The following DST variants were observed in gnomAD, a reference collection of about 807,000 sequenced individuals.
DST encodes bullous pemphigoid antigen.
DST carries 253 observed loss-of-function variants against 875.2 expected under a neutral mutation model. The ratio of observed to expected loss-of-function variants is 0.29; its 90% CI spans 0.26 to 0.32. The LOEUF (loss-of-function observed/expected upper bound fraction) is 0.32. Ranked by LOEUF, DST falls within the 10% of genes least tolerant of loss-of-function variation. The probability of loss-of-function intolerance (pLI) is 1.00; values close to 1 mark genes in which losing one functional copy is unlikely to be tolerated. For synonymous variants in DST, 3,124 were observed against 3,197.1 expected, an observed-to-expected ratio of 0.98 and a Z score of 0.77; for missense variants, 8,287 against 9,111.6, an observed-to-expected ratio of 0.91 and a Z score of 3.68.
rs925445770 is a variant in DST, at chr6:56,614,815, C to A, written c.4930-331G>T. On this transcript the variant is annotated intron_variant, in intron 36 of 103. Coordinates refer to ENST00000680361, the MANE Select transcript of DST (RefSeq NM_001374736.1). ...AATTGCTGCCTTTGCATTAGCATTA[C>A]AATCCTAATTGTCCTGACAAAAAGG... The A allele has an allele frequency of 3.0e-6, 3 of 1,005,846 alleles. No homozygotes were observed. The African/African-American group carries it at 5.2e-5, about 17-fold the overall frequency. The allele number at this position is 1,005,846 out of a possible 1,614,324, so 62.3% of individuals were successfully genotyped here. A position where few individuals can be genotyped will look rare whatever the true frequency, so the allele number is the denominator to read the frequency against.
chr6:56,502,058 T>C (rs1388410757), intron 78 of DST, among the ~76,000 whole-genome samples: 1 of 152,124 alleles, frequency 6.6e-6, no homozygotes, highest in Non-Finnish European at 1.5e-5. Context: ...TTGACACATA[T>C]GAAAGCCAAA....
chr6:56,472,253 A>G, intron 93 of DST, 31 bp from the exon 94 acceptor site: 2 of 1,606,244 alleles, frequency 1.2e-6, no homozygotes, highest in Non-Finnish European at 1.7e-6. Flanking sequence ...TTAGGATGGC[A>G]GTTTCCAGGG....
Position 56,875,764 on chromosome 6 carries a change from C to T in DST, c.418-24160G>A, listed in dbSNP as rs189621961. Among the ~76,000 whole-genome samples, 287 of 152,268 alleles carry T rather than the reference C, an allele frequency of 1.9e-3. 1 individual carries two copies. The highest frequency in any genetic ancestry group is 3.1e-3 in the Non-Finnish European group (209 of 68,018). On this transcript the variant is annotated intron_variant, in intron 3 of 103. Transcript: ENST00000680361. ...CCCTAGAGCTGCTGGAATCTTAGCA[C>T]AGGTGAACTTATCCACCACACCACT...
chr6:56,810,310 C>G (rs2099758371), intron 4 of DST, among the ~76,000 whole-genome samples: 1 of 151,978 alleles, frequency 6.6e-6, no homozygotes, highest in African/African-American at 2.4e-5. Context: ...ACTCCCATCT[C>G]TTAAAAATAT....
intron 82 of DST, among the ~76,000 whole-genome samples, chr6:56,496,560 A>T (rs2095912275): frequency 6.6e-6 from 1 of 152,124 alleles, no homozygotes; most frequent in South Asian, 2.1e-4. Flanking sequence ...AATAATTTTA[A>T]GTCATTCTGA....
At chr6:56,675,974 AGCAGC>A (rs1444025906) in intron 9 of DST, among the ~76,000 whole-genome samples, 2 of 152,260 alleles carry the variant, frequency 1.3e-5, no homozygotes, top group Non-Finnish European at 2.9e-5. Context: ...AATATCACTA[AGCAGC>A]GAAGAAATGC....
Position 56,477,443 on chromosome 6 carries a change from C to T in DST, c.21577G>A (p.Ala7193Thr), listed in dbSNP as rs2095246158. 1 of 1,613,788 alleles carries T rather than the reference C, an allele frequency of 6.2e-7. No homozygotes were observed. The highest frequency in any genetic ancestry group is 8.5e-7 in the Non-Finnish European group (1 of 1,179,874). ...LEEKRAELNK[A>T]TTMGDTVLAI... ...AAAACGGTGTCGCCCATAGTGGTGG[C>T]TTTATTTAGTTCAGCTCTCTTTTCT... Residue 7193 changes from alanine to threonine, a missense_variant, in exon 91 of 104, where the codon GCC becomes ACC. By Grantham distance (58) the Ala-to-Thr change is moderately conservative (BLOSUM62 0). Coordinates refer to ENST00000680361, the MANE Select transcript of DST (RefSeq NM_001374736.1).
At position 56,529,509 on chromosome 6, in the gene DST, C is replaced by T; in HGVS notation, c.17534G>A (p.Ser5845Asn). 1 of 1,610,884 alleles carries T rather than the reference C, an allele frequency of 6.2e-7. No homozygotes were observed. The highest frequency in any genetic ancestry group is 8.5e-7 in the Non-Finnish European group (1 of 1,178,306). ...NWLNEVHDKL[S>N]KLSVQDYSTE... ...GCTGTAATCCTGGACTGAGAGCTTG[C>T]TCAGTTTGTCATGCACTTCATTCAG... is the stretch of plus-strand genomic sequence containing the variant. The change falls in exon 66 of 104, where the codon AGC (serine) becomes AAC (asparagine). Residue 5845 changes from serine to asparagine, a missense_variant. Around this residue, in one of 10 missense-constraint regions of DST, gnomAD observed 777 missense variants for 764.8 expected, o/e 1.02. Coordinates refer to ENST00000680361, the MANE Select transcript of DST (RefSeq NM_001374736.1).
chr6:56,696,241 C>T (rs1428383384), intron 9 of DST, among the ~76,000 whole-genome samples: 1 of 152,214 alleles, frequency 6.6e-6, no homozygotes, highest in Non-Finnish European at 1.5e-5. Context: ...CAGCTCACCA[C>T]AACCTCTGCC....
At chr6:56,898,455 T>C (rs920126512) in intron 3 of DST, among the ~76,000 whole-genome samples, 1 of 152,222 alleles carries the variant, frequency 6.6e-6, no homozygotes, top group Non-Finnish European at 1.5e-5. Context: ...ACTTTAATGA[T>C]AGTCACTTAC....
chr6:56,824,215 T>C (rs907022892), intron 4 of DST, among the ~76,000 whole-genome samples: 13 of 152,228 alleles, frequency 8.5e-5, no homozygotes, highest in Admixed American at 1.3e-4. Flanking sequence ...TTCGCTTTGT[T>C]GGCCGGGCTG....
chr6:56,791,032 G>A (rs1301730222), intron 4 of DST, among the ~76,000 whole-genome samples: 3 of 152,202 alleles, frequency 2.0e-5, no homozygotes, highest in Non-Finnish European at 4.4e-5. Context: ...GAGAAAGAGA[G>A]GCCAACAAAG....
chr6:56,699,464 A>G (rs1415136616), intron 9 of DST, among the ~76,000 whole-genome samples, 189 bp downstream of exon 9: 2 of 152,228 alleles, frequency 1.3e-5, no homozygotes, highest in Admixed American at 6.5e-5. Flanking sequence ...AAGTTTATCA[A>G]GAACAGGAAA....
intron 35 of DST, 138 bp downstream of exon 35, chr6:56,625,019 C>T (rs1373765255): frequency 1.4e-6 from 1 of 702,996 alleles, no homozygotes; most frequent in African/African-American, 1.8e-5. Flanking sequence ...ACTGCAATGT[C>T]ATTAAACTGT....
chr6:56,507,896 G>C (rs1460121876), intron 75 of DST, among the ~76,000 whole-genome samples: 1 of 152,112 alleles, frequency 6.6e-6, no homozygotes, highest in Non-Finnish European at 1.5e-5. Context: ...CTGGCAGCAA[G>C]GTCAGAGGCC....
intron 4 of DST, among the ~76,000 whole-genome samples, chr6:56,783,292 T>G (rs1200055401): frequency 6.6e-6 from 1 of 152,168 alleles, no homozygotes; most frequent in Non-Finnish European, 1.5e-5. Context: ...TAACTTTCTG[T>G]CTCATTGATC....
intron 5 of DST, among the ~76,000 whole-genome samples, chr6:56,708,348 A>T (rs2099349467): frequency 6.6e-6 from 1 of 152,220 alleles, no homozygotes; most frequent in Non-Finnish European, 1.5e-5. Flanking sequence ...ATAAAATAAA[A>T]GCTACTCTTA....
intron 36 of DST, chr6:56,615,271 T>G: frequency 7.7e-7 from 1 of 1,293,164 alleles, no homozygotes; most frequent in Non-Finnish European, 9.8e-7. Context: ...AAAAACATTT[T>G]AGTGTGGCCA....
chr6:56,954,330 A>T, intron 1 of DST, 77 bp downstream of exon 1: 1 of 1,147,916 alleles, frequency 8.7e-7, no homozygotes, highest in Non-Finnish European at 1.2e-6. Context: ...AGGAGAAGGG[A>T]GCGAGCCGCG....
Sources: gnomAD v4.1 joint callset for allele counts (sites outside exome capture counted in the v4.1 genomes callset) on GRCh38, gnomAD v4.1.1 for gene constraint, gnomAD v4.1.1 regional missense constraint, MANE v1.5 for transcripts, NCBI Gene and HGNC (gene_info 2026-07-23, HGNC 2026-07-21) for gene names.